Variants in MLLT3 observed in about 807,000 individuals in gnomAD.
MLLT3 encodes protein AF-9.
A neutral mutation model predicts 53.2 loss-of-function variants in MLLT3; 4 were observed. That is an observed-to-expected ratio of 0.08 (90% confidence interval 0.04 to 0.17). The LOEUF is 0.17. Ranked by LOEUF, MLLT3 falls within the 10% of genes least tolerant of loss-of-function variation. The pLI is 1.00. For missense variants in MLLT3, 569 were observed against 684.0 expected, an observed-to-expected ratio of 0.83 and a Z score of 1.87; for synonymous variants, 283 against 230.6, an observed-to-expected ratio of 1.23 and a Z score of -2.06.
intron 2 of MLLT3, among the ~76,000 whole-genome samples, chr9:20,475,560 T>C (rs1824499809): frequency 1.3e-5 from 2 of 152,136 alleles, no homozygotes; most frequent in Admixed American, 1.3e-4. Flanking sequence ...CATGTATATA[T>C]GAAGGACAAT....
intron 5 of MLLT3, among the ~76,000 whole-genome samples, chr9:20,367,297 T>C (rs918637694): frequency 1.3e-5 from 2 of 152,224 alleles, no homozygotes; most frequent in Non-Finnish European, 2.9e-5. Context: ...TATCATGTTT[T>C]CTTGTTAGAG....
chr9:20,412,441 C>CA (rs766752831), intron 5 of MLLT3, among the ~76,000 whole-genome samples: 13 of 152,110 alleles, frequency 8.5e-5, no homozygotes, highest in Non-Finnish European at 1.8e-4. Context: ...GATCTTCTAC[C>CA]AAAATTTCGA....
intron 4 of MLLT3, chr9:20,415,546 AC>A: frequency 4.4e-6 from 2 of 451,986 alleles, no homozygotes; most frequent in Non-Finnish European, 5.9e-6. Context: ...GCTTACTTCC[AC>A]TTCCTAATGG....
chr9:20,543,608 C>T (rs1818701208), intron 2 of MLLT3, among the ~76,000 whole-genome samples: 2 of 151,552 alleles, frequency 1.3e-5, no homozygotes, highest in African/African-American at 4.9e-5. Flanking sequence ...TGCCGGTATA[C>T]TCCAACCTGG....
chr9:20,476,069 AT>A (rs975800095), intron 2 of MLLT3, among the ~76,000 whole-genome samples: 20 of 151,030 alleles, frequency 1.3e-4, no homozygotes, highest in East Asian at 3.9e-4. Context: ...TTTTTTGTGT[AT>A]TTTTTTTTAA....
At chr9:20,468,770 C>T (rs1824297284) in intron 2 of MLLT3, among the ~76,000 whole-genome samples, 1 of 152,144 alleles carries the variant, frequency 6.6e-6, no homozygotes, top group Non-Finnish European at 1.5e-5. Flanking sequence ...AAAGGACCGA[C>T]GTCATATATG....
chr9:20,544,223 G>T (rs965853349), intron 2 of MLLT3, among the ~76,000 whole-genome samples: 1 of 152,138 alleles, frequency 6.6e-6, no homozygotes, highest in Non-Finnish European at 1.5e-5. Flanking sequence ...AAAACATAGG[G>T]GAAAACCTTC....
intron 2 of MLLT3, among the ~76,000 whole-genome samples, chr9:20,617,290 A>G (rs1403263755): frequency 6.6e-6 from 1 of 152,212 alleles, no homozygotes; most frequent in African/African-American, 2.4e-5. Context: ...AGACCATTTA[A>G]CACAAATCAA....
chr9:20,505,742 G>A (rs146959839), intron 2 of MLLT3, among the ~76,000 whole-genome samples: 2,155 of 152,288 alleles, frequency 0.014, 32 homozygotes, highest in Non-Finnish European at 0.019. Flanking sequence ...ACAGTTGGTA[G>A]GTTTTTCCTC....
At chr9:20,531,199 G>T (rs566131551) in intron 2 of MLLT3, among the ~76,000 whole-genome samples, 2 of 147,446 alleles carry the variant, frequency 1.4e-5, no homozygotes, top group African/African-American at 5.0e-5. Context: ...GTAATGGCGC[G>T]ATCTCGGCTC....
At chr9:20,494,555 G>A (rs576819603) in intron 2 of MLLT3, among the ~76,000 whole-genome samples, 3 of 152,240 alleles carry the variant, frequency 2.0e-5, no homozygotes, top group East Asian at 1.9e-4. Flanking sequence ...CTAATTGCCT[G>A]AAGTTTTCTT....
At chr9:20,417,206 T>C (rs973458017) in intron 4 of MLLT3, among the ~76,000 whole-genome samples, 10 of 145,160 alleles carry the variant, frequency 6.9e-5, no homozygotes, top group Admixed American at 1.4e-4. Context: ...ATATATTATA[T>C]ATATATGGGG....
intron 2 of MLLT3, among the ~76,000 whole-genome samples, chr9:20,549,512 A>T (rs1472883473): frequency 6.6e-6 from 1 of 152,210 alleles, no homozygotes; most frequent in African/African-American, 2.4e-5. Flanking sequence ...AACTCGTTTA[A>T]TCTGCCCAAC....
intron 6 of MLLT3, 58 bp downstream of exon 6, chr9:20,365,611 G>A (rs1164042463): frequency 1.3e-6 from 2 of 1,591,278 alleles, no homozygotes; most frequent in Non-Finnish European, 1.7e-6. Flanking sequence ...GCCTCCCAAA[G>A]TGCCATTAAG....
chr9:20,351,504 A>C lies in MLLT3; in HGVS notation c.1575+2021T>G, dbSNP rs532891456. On this transcript the variant is annotated intron_variant, in intron 10 of 10. Transcript: ENST00000380338. ...CTACTGTATTTATACCCTTTGAAAA[A>C]GTGGCTTAGGAACACAGGCTCCTTG... 2.6e-5 allele frequency among the ~76,000 whole-genome samples: 4 copies of C among 152,322 alleles called. 1 individual carries two copies. In the South Asian group the frequency reaches 8.3e-4, roughly 32 times the overall value.
chr9:20,365,635 A>G (rs1466070800), intron 6 of MLLT3, 34 bp downstream of exon 6: 1 of 1,612,810 alleles, frequency 6.2e-7, no homozygotes, highest in African/African-American at 1.3e-5. Context: ...TTTTATGAGA[A>G]AAGCATCTCC....
rs1343027600 is a variant in MLLT3 at position 20,484,364 on chromosome 9, C to T, written c.194-27578G>A. 2.0e-5 allele frequency among the ~76,000 whole-genome samples: 3 copies of T among 152,150 alleles called. No individual in the cohort carries two copies. The East Asian group carries it at 5.8e-4, about 29-fold the overall frequency. On this transcript the variant is annotated intron_variant, in intron 2 of 10. Transcript: ENST00000380338. ...TCTTTTAACTTTGCCCTACCTCTGA[C>T]AGAACAATTGTTCTACCGTCATTAC...
intron 5 of MLLT3, among the ~76,000 whole-genome samples, chr9:20,377,201 G>A (rs935860350): frequency 2.0e-5 from 3 of 152,130 alleles, no homozygotes; most frequent in Non-Finnish European, 4.4e-5. Context: ...AATGAACATC[G>A]AAACACCACT....
At chr9:20,589,868 G>C (rs1269903064) in intron 2 of MLLT3, among the ~76,000 whole-genome samples, 1 of 151,894 alleles carries the variant, frequency 6.6e-6, no homozygotes, top group Non-Finnish European at 1.5e-5. Context: ...CCGCCACTGT[G>C]CCCAGCTAAT....
Sources: gnomAD v4.1 joint callset for allele counts (sites outside exome capture counted in the v4.1 genomes callset) on GRCh38, gnomAD v4.1.1 for gene constraint, MANE v1.5 for transcripts, NCBI Gene and HGNC (gene_info 2026-07-23, HGNC 2026-07-21) for gene names.